The following PLEKHG7 variants were observed in gnomAD, a reference collection of about 807,000 sequenced individuals.
PLEKHG7 encodes pleckstrin homology and RhoGEF domain containing G7, also known as pleckstrin homology domain-containing family G member 7.
In PLEKHG7, 77 loss-of-function variants were observed where a neutral mutation model predicts 85.2. The ratio of observed to expected loss-of-function variants is 0.90; its 90% CI spans 0.75 to 1.09. PLEKHG7 has a LOEUF of 1.09. PLEKHG7 is among the 50% of genes least tolerant of loss of function. The pLI, the probability that PLEKHG7 is intolerant of heterozygous loss-of-function variation, is 0.00. For synonymous variants in PLEKHG7, 301 were observed against 302.4 expected, an observed-to-expected ratio of 1.00 and a Z score of 0.05; for missense variants, 777 against 804.3, an observed-to-expected ratio of 0.97 and a Z score of 0.41.
chr12:92,710,543 C>T (rs2083945), intron 3 of PLEKHG7, among the ~76,000 whole-genome samples: 59,422 of 151,958 alleles, frequency 0.39, 13,124 homozygotes, highest in East Asian at 0.88. Context: ...AACCCATATT[C>T]GGAGTAAGTA....
Position 92,709,953 on chromosome 12 carries a change from TA to T in PLEKHG7, c.530+2284del, listed in dbSNP as rs372691465. Among the ~76,000 whole-genome samples, 465 of 152,252 alleles carry T rather than the reference TA, an allele frequency of 3.1e-3. 4 individuals are homozygous for T. Among genetic ancestry groups the T allele is most frequent in the African/African-American group, 0.011 (452 of 41,546 alleles). The stretch of plus-strand genomic sequence containing the variant: ...TAACTCCCTTCTTAGCCTGTTGACT[TA>T]AAGGTAGGAGGAGCCCAAAGTGTCC... On this transcript the variant is annotated intron_variant, in intron 3 of 16. Transcript: ENST00000344636.
chr12:92,744,724 G>A (rs1872474892), intron 9 of PLEKHG7, among the ~76,000 whole-genome samples: 1 of 150,798 alleles, frequency 6.6e-6, no homozygotes, highest in East Asian at 1.9e-4. Context: ...GGAGTGCAAT[G>A]GCGCGATCTC....
chr12:92,743,531 C>G (rs2136607900), intron 9 of PLEKHG7, among the ~76,000 whole-genome samples: 1 of 149,498 alleles, frequency 6.7e-6, no homozygotes, highest in African/African-American at 2.5e-5. Flanking sequence ...ATATCTAAGC[C>G]TGACCATTAA....
chr12:92,725,200 C>CAAAGCAA (rs1398589785), intron 3 of PLEKHG7, among the ~76,000 whole-genome samples: 5 of 152,090 alleles, frequency 3.3e-5, no homozygotes, highest in Non-Finnish European at 7.4e-5. Flanking sequence ...CATTCCCAGC[C>CAAAGCAA]AAAGCACCAA....
intron 13 of PLEKHG7, among the ~76,000 whole-genome samples, chr12:92,758,345 G>A (rs1343669598): frequency 6.6e-6 from 1 of 152,238 alleles, no homozygotes; most frequent in Non-Finnish European, 1.5e-5. Context: ...GATCGACAAA[G>A]TGGATGAAGA....
Position 92,755,876 on chromosome 12 carries a change from A to ATC in PLEKHG7, c.1480_1481dup (p.Gln495TyrfsTer5). Reference sequence around the variant, plus strand: ...CTGGACAATTTCCAAAAATTTAGATATCTACAGGAGATTATAGTGTGGCCA... The same window carrying ATC: ...CTGGACAATTTCCAAAAATTTAGATATCTCTACAGGAGATTATAGTGTGGCCA... On this transcript the variant is annotated frameshift_variant, in exon 12 of 17. Transcript: ENST00000344636. LOFTEE classifies it high-confidence loss of function. 1 of 1,613,786 alleles carries ATC rather than the reference A, an allele frequency of 6.2e-7. No individual in the cohort carries two copies. Among genetic ancestry groups the ATC allele is most frequent in the Non-Finnish European group, 8.5e-7 (1 of 1,179,850 alleles).
At position 92,761,816 on chromosome 12, in the gene PLEKHG7, T is replaced by A; in HGVS notation, c.1701T>A (p.Thr567=). ...ATGATTTCCTCTTAGTTACGAAAAC[T>A]AAGTGCAACAAAAAGGTAAAATGCT... ...LFNDFLLVTK[T]KCNKKKLGGS... is the part of the protein sequence containing the mutation. Residue 567 remains threonine, a synonymous_variant, in exon 14 of 17, where the codon ACT becomes ACA. Transcript: ENST00000344636. The A allele has an allele frequency of 6.3e-7, 1 of 1,577,230 alleles. No homozygotes were observed. Among genetic ancestry groups the A allele is most frequent in the Non-Finnish European group, 8.6e-7 (1 of 1,167,372 alleles).
chr12:92,753,482 C>T (rs1365101968), intron 10 of PLEKHG7, among the ~76,000 whole-genome samples: 4 of 152,136 alleles, frequency 2.6e-5, no homozygotes, highest in African/African-American at 4.8e-5. Context: ...TTGTCTTCCC[C>T]GGTGCTGGCA....
chr12:92,707,046 C>G lies in PLEKHG7; in HGVS notation c.415C>G (p.Pro139Ala). 1 of 1,614,154 alleles carries G rather than the reference C, an allele frequency of 6.2e-7. No homozygotes were observed. Among genetic ancestry groups the G allele is most frequent in the Non-Finnish European group, 8.5e-7 (1 of 1,180,020 alleles). Reference protein sequence around the residue: ...TDKYLPPELQPVNEGSLHQAS... With the variant: ...TDKYLPPELQAVNEGSLHQAS... ...CAAGTATCTCCCTCCTGAGCTTCAG[C>G]CTGTCAATGAAGGGTCCCTTCACCA... Residue 139 changes from proline to alanine, a missense_variant, in exon 2 of 17, where the codon CCT (proline) becomes GCT (alanine). Coordinates refer to ENST00000344636, the MANE Select transcript of PLEKHG7 (RefSeq NM_001377329.1).
At position 92,737,513 on chromosome 12, in the gene PLEKHG7, C is replaced by G. The variant is rs758533819; in HGVS notation, c.931C>G (p.Leu311Val). The change falls in exon 7 of 17, where the codon CTT (leucine) becomes GTT (valine). Residue 311 changes from leucine to valine, a missense_variant. Around this residue, in one of 3 missense-constraint regions of PLEKHG7, gnomAD observed 520 missense variants for 544.0 expected, o/e 0.96. Transcript: ENST00000344636. ...CTATTTTTTGGACCATTTATTAGTT[C>G]TTAAGATGGTAATGCCAGGCTTAAT... Reference protein sequence around the residue: ...CTYFLDHLLVLKMIFMNTLRY... With the variant: ...CTYFLDHLLVVKMIFMNTLRY... The G allele has an allele frequency of 6.2e-7, 1 of 1,606,928 alleles. No homozygotes were observed. The highest frequency in any genetic ancestry group is 8.5e-7 in the Non-Finnish European group (1 of 1,178,436).
intron 5 of PLEKHG7, 144 bp downstream of exon 5, chr12:92,732,417 C>T (rs988328110): frequency 2.7e-5 from 13 of 483,540 alleles, no homozygotes; most frequent in South Asian, 1.1e-4. Context: ...TCATCACATC[C>T]GTAGTATTGG....
intron 10 of PLEKHG7, among the ~76,000 whole-genome samples, chr12:92,746,392 C>T (rs754825015): frequency 6.0e-4 from 92 of 152,344 alleles, no homozygotes; most frequent in Non-Finnish European, 9.6e-4. Flanking sequence ...AGTGGGCTTC[C>T]GCCCCAGCCT....
chr12:92,736,678 C>G (rs771311304), intron 6 of PLEKHG7, 101 bp downstream of exon 6: 9 of 671,394 alleles, frequency 1.3e-5, no homozygotes, highest in Non-Finnish European at 1.9e-5. Context: ...AGATTACTGC[C>G]TTGTTTATAG....
At chr12:92,761,620 A>AAAG (rs1307968930) in intron 13 of PLEKHG7, 132 bp from the exon 14 acceptor site, 2 of 1,039,166 alleles carry the variant, frequency 1.9e-6, no homozygotes, top group Non-Finnish European at 2.5e-6. Flanking sequence ...AGAAAGAAAG[A>AAAG]AAGAAGAAAG....
At chr12:92,752,230 T>C (rs1872711006) in intron 10 of PLEKHG7, among the ~76,000 whole-genome samples, 1 of 152,136 alleles carries the variant, frequency 6.6e-6, no homozygotes, top group Non-Finnish European at 1.5e-5. Context: ...TAGTAGGGTC[T>C]CATGGGCTGT....
At chr12:92,741,070 C>A in intron 8 of PLEKHG7, 122 bp downstream of exon 8, 1 of 622,522 alleles carries the variant, frequency 1.6e-6, no homozygotes, top group Admixed American at 3.2e-5. Flanking sequence ...CCAGTCAGGA[C>A]TTCAGGTTAA....
rs1292298273 is a variant in PLEKHG7, at chr12:92,735,861, T to G, written c.700-621T>G. Reference sequence around the variant, plus strand: ...TTTCATGCTTTTTTTTGTTTGTTTTTTCTCAAATTTTCTACAATAAACATA... The same window carrying G: ...TTTCATGCTTTTTTTTGTTTGTTTTGTCTCAAATTTTCTACAATAAACATA... On this transcript the variant is annotated intron_variant, in intron 5 of 16. Coordinates refer to ENST00000344636, the MANE Select transcript of PLEKHG7 (RefSeq NM_001377329.1). 2.0e-5 allele frequency among the ~76,000 whole-genome samples: 3 copies of G among 152,228 alleles called. No homozygotes were observed. The East Asian group carries it at 5.8e-4, about 29-fold the overall frequency.
Position 92,770,996 on chromosome 12 carries a change from G to GGTGTGTGTGTGTGT in PLEKHG7, c.*814_*827dup, listed in dbSNP as rs57839500. On this transcript the variant is annotated 3_prime_UTR_variant, in exon 17 of 17. Transcript: ENST00000344636. ...ATAAAAATACTTTCTGGTTTTGATT[G>GGTGTGTGTGTGTGT]GTGTGTGTGTGTGTGTGTGTGTGTG... 2.7e-4 allele frequency: 40 copies of GGTGTGTGTGTGTGT among 150,264 alleles called. No homozygotes were observed. Among genetic ancestry groups the GGTGTGTGTGTGTGT allele is most frequent in the South Asian group, 6.3e-4 (3 of 4,748 alleles). 9.3% of individuals were successfully genotyped at this position (150,264 alleles called of 1,614,324 possible). A position where few individuals can be genotyped will look rare whatever the true frequency, so the allele number is the denominator to read the frequency against.
chr12:92,737,369 C>T lies in PLEKHG7; in HGVS notation c.796-9C>T, dbSNP rs1445453707. 5.6e-6 allele frequency: 8 copies of T among 1,441,064 alleles called. No individual in the cohort carries two copies. The highest frequency in any genetic ancestry group is 1.9e-4 in the Middle Eastern group (1 of 5,360). The allele number at this position is 1,441,064 out of a possible 1,614,324, so 89.3% of individuals were successfully genotyped here. ...AATGTTTTGTTCTCTCTTTTTCCCT[C>T]ATGTACAGGATAAGACCTGGGATGA... On this transcript the variant is annotated splice_polypyrimidine_tract_variant and intron_variant, in intron 6 of 16. Transcript: ENST00000344636.
Sources: gnomAD v4.1 joint callset for allele counts (sites outside exome capture counted in the v4.1 genomes callset) on GRCh38, gnomAD v4.1.1 for gene constraint, gnomAD v4.1.1 regional missense constraint, MANE v1.5 for transcripts, NCBI Gene and HGNC (gene_info 2026-07-23, HGNC 2026-07-21) for gene names.